Variants in ADHFE1 observed in about 807,000 individuals in gnomAD.
ADHFE1 encodes the protein hydroxyacid-oxoacid transhydrogenase, mitochondrial.
A neutral mutation model predicts 54.8 loss-of-function variants in ADHFE1; 37 were observed. That is an observed-to-expected ratio of 0.68 (90% CI 0.52 to 0.89). ADHFE1 has a LOEUF of 0.89. Ranked by LOEUF, ADHFE1 falls within the 40% of genes least tolerant of loss-of-function variation. ADHFE1 has a pLI of 0.00. For synonymous variants in ADHFE1, 203 were observed against 229.3 expected, an observed-to-expected ratio of 0.89 and a Z score of 1.04; for missense variants, 601 against 591.2, an observed-to-expected ratio of 1.02 and a Z score of -0.17.
intron 3 of ADHFE1, among the ~76,000 whole-genome samples, chr8:66,443,588 CTA>C (rs1805878398): frequency 1.3e-5 from 2 of 151,996 alleles, no homozygotes; most frequent in Non-Finnish European, 2.9e-5. Context: ...TCAGGAATGA[CTA>C]ATTAAAATGT....
rs1473279900 is a variant in ADHFE1, at chr8:66,445,428, A to G, written c.550+14A>G. On this transcript the variant is annotated intron_variant, in intron 6 of 13. Coordinates refer to ENST00000396623, the MANE Select transcript of ADHFE1 (RefSeq NM_144650.3). ...CTCTGATTGCAGGTAAAGACTGTTTATTTCTTTGTTTGTTTTATTTTGCAA... is the reference window on the plus strand; with the variant it reads ...CTCTGATTGCAGGTAAAGACTGTTTGTTTCTTTGTTTGTTTTATTTTGCAA... 2.5e-6 allele frequency: 4 copies of G among 1,586,650 alleles called. No individual in the cohort carries two copies. In the Admixed American group the frequency reaches 7.5e-5, roughly 30 times the overall value.
rs182840597 is a variant in ADHFE1 at position 66,443,469 on chromosome 8, G to T, written c.144+625G>T. ...ATTTTTGTATTTTTAGTAGAGACAGGGTTTTGCCATGTTGGCCAGGCTGGT... is the reference window on the plus strand; with the variant it reads ...ATTTTTGTATTTTTAGTAGAGACAGTGTTTTGCCATGTTGGCCAGGCTGGT... On this transcript the variant is annotated intron_variant, in intron 3 of 13. Coordinates refer to ENST00000396623, the MANE Select transcript of ADHFE1 (RefSeq NM_144650.3). 1.1e-3 allele frequency among the ~76,000 whole-genome samples: 162 copies of T among 152,050 alleles called. 1 individual carries two copies. The highest frequency in any genetic ancestry group is 3.1e-4 in the Non-Finnish European group (21 of 67,934).
At chr8:66,451,223 T>C (rs1344356797) in intron 8 of ADHFE1, among the ~76,000 whole-genome samples, 1 of 152,240 alleles carries the variant, frequency 6.6e-6, no homozygotes, top group Admixed American at 6.5e-5. Flanking sequence ...GTTCTTGAAG[T>C]AGCAAACTCT....
At chr8:66,453,587 G>A (rs1355598579) in intron 9 of ADHFE1, 19 of 717,788 alleles carry the variant, frequency 2.6e-5, no homozygotes, top group Non-Finnish European at 4.1e-5. Context: ...TGGCATAGAG[G>A]TGCAGCAACC....
chr8:66,448,952 G>A lies in ADHFE1; in HGVS notation c.716G>A (p.Ser239Asn). 6.2e-7 allele frequency: 1 copy of A among 1,614,090 alleles called. No individual in the cohort carries two copies. Among genetic ancestry groups the A allele is most frequent in the African/African-American group, 1.3e-5 (1 of 75,024 alleles). The change falls in exon 8 of 14, where the codon AGT (serine) becomes AAT (asparagine). Residue 239 changes from serine (S) to asparagine (N), a missense_variant. Transcript: ENST00000396623. Reference protein sequence around the residue: ...LHMPARVVANSGFDVLCHALE... With the variant: ...LHMPARVVANNGFDVLCHALE... ...ATGCCTGCCCGAGTGGTCGCCAACA[G>A]TGGCTTTGATGTGCTTTGGTAAGTG...
intron 1 of ADHFE1, among the ~76,000 whole-genome samples, chr8:66,438,957 C>G (rs1250170195): frequency 4.6e-5 from 7 of 151,246 alleles, no homozygotes; most frequent in African/African-American, 1.7e-4. Context: ...ATTTTTTTTT[C>G]CTTCCCTTGG....
At chr8:66,436,949 C>T (rs916314553) in intron 1 of ADHFE1, among the ~76,000 whole-genome samples, 7 of 152,136 alleles carry the variant, frequency 4.6e-5, no homozygotes, top group South Asian at 2.1e-4. Context: ...GCTGACACAT[C>T]GGGTACCGTG....
intron 1 of ADHFE1, among the ~76,000 whole-genome samples, chr8:66,438,685 G>A (rs746149): frequency 6.6e-6 from 1 of 151,976 alleles, no homozygotes; most frequent in Non-Finnish European, 1.5e-5. Context: ...CCCGCCAGAG[G>A]GGGTAGGAGG....
At chr8:66,452,593 G>A (rs1806358524) in intron 9 of ADHFE1, among the ~76,000 whole-genome samples, 1 of 152,206 alleles carries the variant, frequency 6.6e-6, no homozygotes, top group East Asian at 1.9e-4. Context: ...GTTCGAGGTT[G>A]CAGTTAGCTA....
In ADHFE1 at chr8:66,451,995, G is replaced by A; in HGVS notation, c.777G>A (p.Arg259=). The A allele has an allele frequency of 1.2e-6, 2 of 1,614,134 alleles. No homozygotes were observed. The highest frequency in any genetic ancestry group is 2.7e-5 in the African/African-American group (2 of 75,034). The part of the protein sequence containing the change: ...ESYTTLPYHL[R]SPCPSNPITR... ...ACACCACCCTGCCCTACCACCTGCGGAGCCCCTGCCCTTCAAATCCCATCA... is the reference window on the plus strand; with the variant it reads ...ACACCACCCTGCCCTACCACCTGCGAAGCCCCTGCCCTTCAAATCCCATCA... Residue 259 remains arginine, a synonymous_variant, in exon 9 of 14, where the codon CGG becomes CGA. Transcript: ENST00000396623.
intron 8 of ADHFE1, among the ~76,000 whole-genome samples, chr8:66,450,453 G>C (rs1389274570): frequency 6.6e-6 from 1 of 152,248 alleles, no homozygotes; most frequent in Admixed American, 6.5e-5. Context: ...CCAGTGGCCT[G>C]TTCTGAAGGT....
intron 10 of ADHFE1, among the ~76,000 whole-genome samples, chr8:66,456,378 G>A (rs531196590): frequency 1.3e-5 from 2 of 152,220 alleles, no homozygotes; most frequent in East Asian, 1.9e-4. Context: ...AAGCTTGCAC[G>A]TCATCAAATA....
At chr8:66,444,284 A>T in intron 3 of ADHFE1, 83 bp from the exon 4 acceptor site, 2 of 1,313,638 alleles carry the variant, frequency 1.5e-6, no homozygotes. Flanking sequence ...GCTCTAGGCA[A>T]CAAGAAACCA....
chr8:66,460,780 C>T (rs1442407105), intron 13 of ADHFE1, among the ~76,000 whole-genome samples: 1 of 152,192 alleles, frequency 6.6e-6, no homozygotes, highest in Non-Finnish European at 1.5e-5. Context: ...CCCTTTTCCC[C>T]ATTTCTGTTC....
chr8:66,445,243 CA>C lies in ADHFE1; in HGVS notation c.383del (p.Lys128ArgfsTer34), dbSNP rs1805969591. ...CTTCATGGAAGCTATTGAGTTTGCC[CA>C]AAAGGGAGCTTTTGATGCCTATGTT... Reference protein sequence around the residue: ...SSFMEAIEFAQKGAFDAYVAV... With the variant: ...SSFMEAIEFAXKGAFDAYVAV... On this transcript the variant is annotated frameshift_variant, in exon 6 of 14. Coordinates refer to ENST00000396623, the MANE Select transcript of ADHFE1 (RefSeq NM_144650.3). LOFTEE classifies it high-confidence loss of function. 31 of 1,610,148 alleles carry C rather than the reference CA, an allele frequency of 1.9e-5. No homozygotes were observed. The highest frequency in any genetic ancestry group is 2.4e-5 in the Non-Finnish European group (28 of 1,178,836).
intron 10 of ADHFE1, among the ~76,000 whole-genome samples, chr8:66,455,257 G>C (rs1035592106): frequency 4.6e-5 from 7 of 152,208 alleles, no homozygotes; most frequent in Admixed American, 3.9e-4. Context: ...TGCAGTGGGT[G>C]AAGATTCTGA....
intron 1 of ADHFE1, among the ~76,000 whole-genome samples, chr8:66,437,241 T>TC (rs1805510614): frequency 2.0e-5 from 3 of 152,130 alleles, no homozygotes; most frequent in African/African-American, 7.2e-5. Flanking sequence ...ATGGATAATG[T>TC]CTAATAGGGA....
Position 66,456,909 on chromosome 8 carries a change from A to C in ADHFE1, c.1065+14A>C, listed in dbSNP as rs748525930. On this transcript the variant is annotated intron_variant, in intron 11 of 13. Coordinates refer to ENST00000396623, the MANE Select transcript of ADHFE1 (RefSeq NM_144650.3). ...CACCCACTGGTGGTAAAATCATAAGAATAAATTATTTAATTAAATATTATA... is the reference window on the plus strand; with the variant it reads ...CACCCACTGGTGGTAAAATCATAAGCATAAATTATTTAATTAAATATTATA... 9 of 1,489,522 alleles carry C rather than the reference A, an allele frequency of 6.0e-6. No homozygotes were observed. The highest frequency in any genetic ancestry group is 7.2e-6 in the Non-Finnish European group (8 of 1,115,892). 92.3% of individuals were successfully genotyped at this position (1,489,522 alleles called of 1,614,324 possible). A position where few individuals can be genotyped will look rare whatever the true frequency, so the allele number is the denominator to read the frequency against.
At position 66,447,251 on chromosome 8, in the gene ADHFE1, T is replaced by C; in HGVS notation, c.551-13T>C. The C allele has an allele frequency of 6.2e-7, 1 of 1,609,074 alleles. No homozygotes were observed. The highest frequency in any genetic ancestry group is 8.5e-7 in the Non-Finnish European group (1 of 1,176,118). ...TTAGATGCTTTATTAAAATTAATAT[T>C]ATTTTGTTCAAGTGCCAACTACCTC... On this transcript the variant is annotated splice_polypyrimidine_tract_variant and intron_variant, in intron 6 of 13. Transcript: ENST00000396623.
Sources: allele counts gnomAD v4.1 joint callset (sites outside exome capture counted in the v4.1 genomes callset), GRCh38; gene constraint gnomAD v4.1.1; transcripts MANE v1.5; gene names NCBI Gene and HGNC (gene_info 2026-07-23, HGNC 2026-07-21).